RGS22: variants seen among roughly 807,000 people sequenced by gnomAD.
RGS22 encodes regulator of G-protein signaling 22.
In RGS22, 148 loss-of-function variants were observed where a neutral mutation model predicts 172.9. That is an observed-to-expected ratio of 0.86 (90% CI 0.75 to 0.98). The LOEUF is 0.98. RGS22 is among the 50% of genes least tolerant of loss of function. RGS22 has a pLI of 0.00. For missense variants in RGS22, 1,347 were observed against 1,440.8 expected, an observed-to-expected ratio of 0.93 and a Z score of 1.05; for synonymous variants, 458 against 480.2, an observed-to-expected ratio of 0.95 and a Z score of 0.60.
chr8:100,093,383 A>G (rs1014122258), intron 3 of RGS22, 64 bp downstream of exon 3: 14 of 937,682 alleles, frequency 1.5e-5, no homozygotes, highest in African/African-American at 1.4e-4. Context: ...TCACAAGATA[A>G]CCCAGTGATT....
chr8:99,995,870 A>G (rs1245942659), intron 20 of RGS22, among the ~76,000 whole-genome samples: 2 of 152,234 alleles, frequency 1.3e-5, no homozygotes, highest in African/African-American at 4.8e-5. Flanking sequence ...CCAAATGTCC[A>G]TAAATGATAG....
chr8:100,033,214 A>G (rs1819038286), intron 14 of RGS22, among the ~76,000 whole-genome samples: 1 of 152,196 alleles, frequency 6.6e-6, no homozygotes, highest in Admixed American at 6.5e-5. Flanking sequence ...CTTCAAAAAA[A>G]TCAATGAATC....
In RGS22 at chr8:99,987,537, T is replaced by C; in HGVS notation, c.3101A>G (p.Gln1034Arg). 6.2e-7 allele frequency: 1 copy of C among 1,611,976 alleles called. No individual in the cohort carries two copies. Among genetic ancestry groups the C allele is most frequent in the East Asian group, 2.2e-5 (1 of 44,760 alleles). The change falls in exon 21 of 28, where the codon CAA (glutamine) becomes CGA (arginine). Residue 1034 changes from glutamine (Q) to arginine (R), a missense_variant. Transcript: ENST00000360863. Reference sequence around the variant, plus strand: ...TTTTAGAGCCACAAAACGTTGAAATTGTCTTGAAGTAACTGGATTCAATAA... The same window carrying C: ...TTTTAGAGCCACAAAACGTTGAAATCGTCTTGAAGTAACTGGATTCAATAA... ...KALLNPVTSR[Q>R]FQRFVALKGD...
At chr8:100,025,749 G>A (rs562482861) in intron 14 of RGS22, among the ~76,000 whole-genome samples, 1 of 152,286 alleles carries the variant, frequency 6.6e-6, no homozygotes, top group South Asian at 2.1e-4. Context: ...CCCCACTTAT[G>A]CCATAAAGTT....
chr8:99,988,044 G>C (rs1041177694), intron 20 of RGS22, among the ~76,000 whole-genome samples: 1 of 150,804 alleles, frequency 6.6e-6, no homozygotes, highest in Admixed American at 6.6e-5. Flanking sequence ...AGTAAAAGTA[G>C]TTAAACATTT....
At chr8:100,041,751 A>G in intron 12 of RGS22, 51 bp downstream of exon 12, 1 of 937,822 alleles carries the variant, frequency 1.1e-6, no homozygotes, top group Non-Finnish European at 1.7e-6. Context: ...ATCAGGAGAT[A>G]CTGATCAGTT....
intron 3 of RGS22, among the ~76,000 whole-genome samples, chr8:100,091,295 A>C (rs1169262144): frequency 7.3e-6 from 1 of 136,688 alleles, no homozygotes; most frequent in African/African-American, 2.8e-5. Flanking sequence ...GAGGAACTCC[A>C]AAAAAAAAAA....
rs144941422 is a variant in RGS22, at chr8:100,060,890, A to G, written c.1514+1701T>C. Among the ~76,000 whole-genome samples, 399 of 152,320 alleles carry G rather than the reference A, an allele frequency of 2.6e-3. 2 individuals carry two copies. Among genetic ancestry groups the G allele is most frequent in the African/African-American group, 9.3e-3 (386 of 41,580 alleles). On this transcript the variant is annotated intron_variant, in intron 9 of 27. Coordinates refer to ENST00000360863, the MANE Select transcript of RGS22 (RefSeq NM_015668.5). ...TCCTAAGCAAAAAGAGTAAAGCTGG[A>G]GCCATCACACTACCCGAATTCAAAC...
At position 99,965,395 on chromosome 8, in the gene RGS22, A is replaced by G. The variant is rs756831581; in HGVS notation, c.3555T>C (p.Pro1185=). 1 of 1,613,360 alleles carries G rather than the reference A, an allele frequency of 6.2e-7. No homozygotes were observed. The highest frequency in any genetic ancestry group is 8.5e-7 in the Non-Finnish European group (1 of 1,179,528). Residue 1185 remains proline (P), a synonymous_variant, in exon 24 of 28, where the codon CCT becomes CCC. Transcript: ENST00000360863. ...GIKQYANTSV[P]AIKTALLSDS... ...CACTGAGTAAAGCAGTTTTGATAGCAGGCACTGAAGTATTTGCATATTGTT... is the reference window on the plus strand; with the variant it reads ...CACTGAGTAAAGCAGTTTTGATAGCGGGCACTGAAGTATTTGCATATTGTT...
chr8:100,039,496 C>T (rs1690577324), intron 13 of RGS22, among the ~76,000 whole-genome samples: 4 of 151,928 alleles, frequency 2.6e-5, no homozygotes, highest in Non-Finnish European at 5.9e-5. Flanking sequence ...CCCACCTCAG[C>T]CTCCCGAGTA....
intron 6 of RGS22, among the ~76,000 whole-genome samples, chr8:100,067,727 C>A (rs1257284408): frequency 6.7e-6 from 1 of 149,708 alleles, no homozygotes; most frequent in Non-Finnish European, 1.5e-5. Context: ...TGGGTTCAAG[C>A]AATTCTCCCA....
intron 14 of RGS22, among the ~76,000 whole-genome samples, chr8:100,034,125 C>A (rs1168984743): frequency 3.9e-5 from 6 of 151,986 alleles, no homozygotes; most frequent in Admixed American, 1.3e-4. Context: ...GGCAATCGGG[C>A]AAGAGAAAGA....
chr8:100,066,739 C>T (rs1472585859), intron 6 of RGS22, among the ~76,000 whole-genome samples: 1 of 152,140 alleles, frequency 6.6e-6, no homozygotes, highest in Non-Finnish European at 1.5e-5. Flanking sequence ...ACAACTGCTC[C>T]CCCAGTATGA....
chr8:100,009,524 C>T (rs1435831344), intron 14 of RGS22, among the ~76,000 whole-genome samples: 8 of 151,658 alleles, frequency 5.3e-5, no homozygotes, highest in African/African-American at 1.7e-4. Flanking sequence ...TGTCATGTCT[C>T]TCAATAATAG....
At chr8:100,067,042 A>AT (rs1358637357) in intron 6 of RGS22, among the ~76,000 whole-genome samples, 1 of 151,928 alleles carries the variant, frequency 6.6e-6, no homozygotes, top group Non-Finnish European at 1.5e-5. Context: ...GTCCTTTTTT[A>AT]TTTTTACTAG....
At chr8:100,099,557 T>C (rs151123543) in intron 2 of RGS22, among the ~76,000 whole-genome samples, 2 of 152,342 alleles carry the variant, frequency 1.3e-5, no homozygotes, top group East Asian at 3.9e-4. Context: ...TGGGGACTAA[T>C]GACAATGTTT....
At chr8:100,037,159 A>T (rs550946546) in intron 14 of RGS22, among the ~76,000 whole-genome samples, 11 of 152,174 alleles carry the variant, frequency 7.2e-5, no homozygotes, top group African/African-American at 2.6e-4. Context: ...AAAGTTGGGC[A>T]TGGTGGTGCA....
chr8:100,072,502 A>G (rs185828336), intron 4 of RGS22, among the ~76,000 whole-genome samples: 6 of 152,258 alleles, frequency 3.9e-5, no homozygotes, highest in Non-Finnish European at 1.5e-5. Flanking sequence ...AGAGAAGTTA[A>G]GTAACTTGTT....
In RGS22 at chr8:99,978,076, CT is replaced by C; in HGVS notation, c.3361-2del. 1.3e-6 allele frequency: 2 copies of C among 1,501,432 alleles called. No homozygotes were observed. Among genetic ancestry groups the C allele is most frequent in the Non-Finnish European group, 8.8e-7 (1 of 1,133,788 alleles). The allele number at this position is 1,501,432 out of a possible 1,614,324, so 93.0% of individuals were successfully genotyped here. ...TAAACAGAACCCCAAAAATTGTCAT[CT>C]GTATAAAAAAAAGTCTAAGATTACA... On this transcript the variant is annotated splice_acceptor_variant, in intron 22 of 27. Transcript: ENST00000360863. LOFTEE classifies it high-confidence loss of function.
Sources: gnomAD v4.1 joint callset for allele counts (sites outside exome capture counted in the v4.1 genomes callset) on GRCh38, gnomAD v4.1.1 for gene constraint, MANE v1.5 for transcripts, NCBI Gene and HGNC (gene_info 2026-07-23, HGNC 2026-07-21) for gene names.